Variants in PLCG2 observed in about 807,000 individuals in gnomAD.
PLCG2 encodes the protein phospholipase C gamma 2.
PLCG2 carries 69 observed loss-of-function variants against 175.6 expected under a neutral mutation model. That is an observed-to-expected ratio of 0.39 (90% CI 0.32 to 0.48). PLCG2 has a LOEUF of 0.48. Among genes scored for constraint, PLCG2 ranks in the 20% least tolerant of loss-of-function variants. The pLI, the probability that PLCG2 is intolerant of heterozygous loss-of-function variation, is 0.91. For synonymous variants in PLCG2, 827 were observed against 624.0 expected, an observed-to-expected ratio of 1.33 and a Z score of -4.85; for missense variants, 1,798 against 1,650.9, an observed-to-expected ratio of 1.09 and a Z score of -1.54.
chr16:81,936,099 T>C (rs1910699367), intron 26 of PLCG2, 70 bp from the exon 27 acceptor site: 1 of 1,581,466 alleles, frequency 6.3e-7, no homozygotes, highest in Non-Finnish European at 8.6e-7. Context: ...CATCCAGCCA[T>C]TGCAGCAAAC....
intron 2 of PLCG2, among the ~76,000 whole-genome samples, chr16:81,839,449 AT>A (rs1905704280): frequency 6.6e-6 from 1 of 152,202 alleles, no homozygotes; most frequent in East Asian, 1.9e-4. Context: ...GAATTAGCCT[AT>A]TAAAATATTA....
At chr16:81,856,522 G>C (rs1906689927) in intron 3 of PLCG2, among the ~76,000 whole-genome samples, 1 of 152,212 alleles carries the variant, frequency 6.6e-6, no homozygotes, top group Non-Finnish European at 1.5e-5. Context: ...TCTACTTGCT[G>C]TCCCTCTGTG....
rs1911747353 is a variant in PLCG2, at chr16:81,960,659, T to C, written c.*2661T>C. 8.7e-6 allele frequency: 2 copies of C among 230,848 alleles called. No homozygotes were observed. The highest frequency in any genetic ancestry group is 1.8e-4 in the South Asian group (1 of 5,516). The allele number at this position is 230,848 out of a possible 1,614,324, so 14.3% of individuals were successfully genotyped here. On this transcript the variant is annotated 3_prime_UTR_variant, in exon 33 of 33. Coordinates refer to ENST00000564138, the MANE Select transcript of PLCG2 (RefSeq NM_002661.5). ...TGCCAGAAGTGTCTCATGGGACTTATCTATAGTGGAACACATTTGAAGACC... is the reference window on the plus strand; with the variant it reads ...TGCCAGAAGTGTCTCATGGGACTTACCTATAGTGGAACACATTTGAAGACC...
intron 2 of PLCG2, among the ~76,000 whole-genome samples, chr16:81,760,376 T>C (rs1910012599): frequency 6.6e-6 from 1 of 152,132 alleles, no homozygotes; most frequent in Non-Finnish European, 1.5e-5. Context: ...GCCACTACCT[T>C]TGCCAGATAT....
At chr16:81,918,102 C>T (rs568423576) in intron 19 of PLCG2, among the ~76,000 whole-genome samples, 2 of 152,240 alleles carry the variant, frequency 1.3e-5, no homozygotes, top group East Asian at 1.9e-4. Context: ...GATATTGACC[C>T]CTTACCAGAT....
At chr16:81,873,942 T>C (rs1442632698) in intron 7 of PLCG2, among the ~76,000 whole-genome samples, 1 of 152,194 alleles carries the variant, frequency 6.6e-6, no homozygotes, top group Admixed American at 6.5e-5. Flanking sequence ...TTTGTGTCTA[T>C]GAGGGAGAAA....
chr16:81,830,662 GTGTGTA>G lies in PLCG2; in HGVS notation c.194-23780_194-23775del, dbSNP rs201867136. On this transcript the variant is annotated intron_variant, in intron 2 of 32. Coordinates refer to ENST00000564138, the MANE Select transcript of PLCG2 (RefSeq NM_002661.5). ...AAATGTGTGGGGTGTGTGTGTGTGTGTGTGTATATATATATATACACACATATATTT... is the reference window on the plus strand; with the variant it reads ...AAATGTGTGGGGTGTGTGTGTGTGTGTATATATATATACACACATATATTT... Among the ~76,000 whole-genome samples, 130 of 122,386 alleles carry G rather than the reference GTGTGTA, an allele frequency of 1.1e-3. No individual in the cohort carries two copies. In the Middle Eastern group the frequency reaches 0.012, roughly 11 times the overall value. 80.3% of individuals were successfully genotyped at this position (122,386 alleles called of 152,430 possible).
chr16:81,806,835 G>T (rs929060624), intron 2 of PLCG2, among the ~76,000 whole-genome samples: 2 of 151,838 alleles, frequency 1.3e-5, no homozygotes, highest in African/African-American at 4.8e-5. Context: ...CAAAGCCTTC[G>T]AGGTGGGGCA....
At chr16:81,846,010 G>A (rs1906095712) in intron 2 of PLCG2, among the ~76,000 whole-genome samples, 1 of 152,190 alleles carries the variant, frequency 6.6e-6, no homozygotes, top group Non-Finnish European at 1.5e-5. Context: ...CTGCCTCATA[G>A]TGTTCTTGTG....
chr16:81,958,040 G>C lies in PLCG2; in HGVS notation c.*42G>C. The C allele has an allele frequency of 7.0e-7, 1 of 1,426,854 alleles. No individual in the cohort carries two copies. The highest frequency in any genetic ancestry group is 9.9e-7 in the Non-Finnish European group (1 of 1,009,168). 88.4% of individuals were successfully genotyped at this position (1,426,854 alleles called of 1,614,324 possible). A position where few individuals can be genotyped will look rare whatever the true frequency, so the allele number is the denominator to read the frequency against. Reference sequence around the variant, plus strand: ...GTAAGGGTATTGTGTGTGTGCGCATGTGTGTTTGCATGTAGGAGAACGTGC... The same window carrying C: ...GTAAGGGTATTGTGTGTGTGCGCATCTGTGTTTGCATGTAGGAGAACGTGC... On this transcript the variant is annotated 3_prime_UTR_variant, in exon 33 of 33. Coordinates refer to ENST00000564138, the MANE Select transcript of PLCG2 (RefSeq NM_002661.5).
chr16:81,957,901 C>G, intron 32 of PLCG2, 55 bp from the exon 33 acceptor site: 1 of 1,456,166 alleles, frequency 6.9e-7, no homozygotes, highest in South Asian at 1.1e-5. Context: ...CAGAGTTCAG[C>G]ACGCAGCCCA....
intron 19 of PLCG2, 89 bp from the exon 20 acceptor site, chr16:81,919,395 C>G (rs188229099): frequency 3.4e-4 from 327 of 965,298 alleles, no homozygotes; most frequent in Non-Finnish European, 4.6e-4. Context: ...GGCTGGATAA[C>G]TAGGTTGTAT....
At chr16:81,862,463 G>C (rs1341392783) in intron 5 of PLCG2, among the ~76,000 whole-genome samples, 1 of 152,266 alleles carries the variant, frequency 6.6e-6, no homozygotes, top group Non-Finnish European at 1.5e-5. Flanking sequence ...CTGAGGCCCA[G>C]AGAGGTTAAG....
At chr16:81,748,681 G>C (rs952542298) in intron 1 of PLCG2, among the ~76,000 whole-genome samples, 3 of 152,164 alleles carry the variant, frequency 2.0e-5, no homozygotes, top group Non-Finnish European at 4.4e-5. Context: ...TTCTGGGAAA[G>C]CACTTGTGGT....
intron 11 of PLCG2, 100 bp downstream of exon 11, chr16:81,891,690 C>G (rs919596563): frequency 1.1e-5 from 8 of 737,066 alleles, no homozygotes; most frequent in Non-Finnish European, 2.0e-5. Flanking sequence ...TGTTGTGAAG[C>G]AGGTGGAGGG....
chr16:81,810,301 C>T (rs1456806266), intron 2 of PLCG2, among the ~76,000 whole-genome samples: 1 of 152,224 alleles, frequency 6.6e-6, no homozygotes, highest in Non-Finnish European at 1.5e-5. Flanking sequence ...TCTCTCCTAT[C>T]CCAGACGACT....
At chr16:81,874,063 C>G (rs1256202913) in intron 7 of PLCG2, among the ~76,000 whole-genome samples, 7 of 152,174 alleles carry the variant, frequency 4.6e-5, no homozygotes, top group African/African-American at 1.7e-4. Flanking sequence ...AAGGTTGACC[C>G]CTGGTGGCCA....
At chr16:81,925,843 T>G (rs994111521) in intron 22 of PLCG2, among the ~76,000 whole-genome samples, 1 of 148,136 alleles carries the variant, frequency 6.8e-6, no homozygotes, top group East Asian at 2.0e-4. Context: ...GCTGAGATCG[T>G]GCCATGCACT....
chr16:81,765,150 C>T (rs981765049), intron 2 of PLCG2, among the ~76,000 whole-genome samples: 1 of 152,334 alleles, frequency 6.6e-6, no homozygotes, highest in South Asian at 2.1e-4. Context: ...CATTTGGACA[C>T]AGAGACATGC....
Sources: gnomAD v4.1 joint callset for allele counts (sites outside exome capture counted in the v4.1 genomes callset) on GRCh38, gnomAD v4.1.1 for gene constraint, MANE v1.5 for transcripts, NCBI Gene and HGNC (gene_info 2026-07-23, HGNC 2026-07-21) for gene names.